The following LDB3 variants were observed in gnomAD, a reference collection of about 807,000 sequenced individuals.
LDB3 encodes the protein LIM domain-binding protein 3.
In LDB3, 49 loss-of-function variants were observed where a neutral mutation model predicts 69.0. That is an observed-to-expected ratio of 0.71 (90% CI 0.56 to 0.90). The LOEUF (loss-of-function observed/expected upper bound fraction) is 0.90, where lower values mean the gene tolerates loss of function less well. LDB3 is among the 40% of genes least tolerant of loss of function. The pLI, the probability that LDB3 is intolerant of heterozygous loss-of-function variation, is 0.00. For synonymous variants in LDB3, 387 were observed against 396.2 expected, an observed-to-expected ratio of 0.98 and a Z score of 0.28; for missense variants, 928 against 974.1, an observed-to-expected ratio of 0.95 and a Z score of 0.63.
chr10:86,682,567 A>G (rs1845221645), intron 5 of LDB3, among the ~76,000 whole-genome samples: 1 of 152,106 alleles, frequency 6.6e-6, no homozygotes, highest in Non-Finnish European at 1.5e-5. Context: ...TGAGCCCTTC[A>G]CGCTTGTTCT....
At chr10:86,690,552 C>T (rs1248483363) in intron 5 of LDB3, among the ~76,000 whole-genome samples, 5 of 152,236 alleles carry the variant, frequency 3.3e-5, no homozygotes, top group African/African-American at 1.2e-4. Flanking sequence ...ATCACCTTTC[C>T]CCACCTCTGC....
At chr10:86,688,774 A>G (rs114225713) in intron 5 of LDB3, among the ~76,000 whole-genome samples, 3,661 of 152,308 alleles carry the variant, frequency 0.024, 141 homozygotes, top group African/African-American at 0.079. Context: ...GGGAAGTTCA[A>G]TGGAGAATAA....
At chr10:86,689,580 C>T (rs1845664253) in intron 5 of LDB3, among the ~76,000 whole-genome samples, 1 of 152,102 alleles carries the variant, frequency 6.6e-6, no homozygotes, top group Non-Finnish European at 1.5e-5. Flanking sequence ...TGGGGTAGCT[C>T]CCCCCGCCTT....
chr10:86,674,619 G>A (rs1368458634), intron 2 of LDB3, among the ~76,000 whole-genome samples: 5 of 152,154 alleles, frequency 3.3e-5, no homozygotes, highest in Admixed American at 1.3e-4. Flanking sequence ...GCCCATTGGC[G>A]GGAGAAGACT....
At chr10:86,715,242 G>A (rs1846823113) in intron 9 of LDB3, among the ~76,000 whole-genome samples, 1 of 152,198 alleles carries the variant, frequency 6.6e-6, no homozygotes, top group Non-Finnish European at 1.5e-5. Context: ...GCTCAGGAAT[G>A]GGGAGGGAGG....
chr10:86,682,791 C>T (rs1489509521), intron 5 of LDB3, among the ~76,000 whole-genome samples: 1 of 152,190 alleles, frequency 6.6e-6, no homozygotes, highest in African/African-American at 2.4e-5. Flanking sequence ...CTGCATGACA[C>T]CTGGTATCAT....
intron 9 of LDB3, among the ~76,000 whole-genome samples, chr10:86,711,432 G>C (rs1846659753): frequency 6.6e-6 from 1 of 152,098 alleles, no homozygotes; most frequent in African/African-American, 2.4e-5. Context: ...GAAAGAGGCG[G>C]CCGGGCGGGC....
At chr10:86,682,213 G>A (rs991167315) in intron 5 of LDB3, among the ~76,000 whole-genome samples, 2 of 152,176 alleles carry the variant, frequency 1.3e-5, no homozygotes, top group Non-Finnish European at 2.9e-5. Flanking sequence ...CTGGGAGCTC[G>A]GAGGCAGGAG....
rs1042654631 is a variant in LDB3 at position 86,691,761 on chromosome 10, T to A, written c.690-135T>A. The A allele has an allele frequency of 8.0e-6, 8 of 999,290 alleles. No individual in the cohort carries two copies. The African/African-American group carries it at 1.3e-4, about 16-fold the overall frequency. 61.9% of individuals were successfully genotyped at this position (999,290 alleles called of 1,614,324 possible). On this transcript the variant is annotated intron_variant, in intron 5 of 13. Coordinates refer to ENST00000361373, the MANE Select transcript of LDB3 (RefSeq NM_007078.3). ...CCCAGGTCATGCCCATATCTCAGGT[T>A]CTCAGACAGCAATGGATAAAGGCAA...
rs1177426970 is a variant in LDB3, at chr10:86,734,024, G to A, written c.*1048G>A. 1.3e-5 allele frequency: 2 copies of A among 152,192 alleles called. No individual in the cohort carries two copies. The highest frequency in any genetic ancestry group is 2.4e-5 in the African/African-American group (1 of 41,424). 9.4% of individuals were successfully genotyped at this position (152,192 alleles called of 1,614,324 possible). A position where few individuals can be genotyped will look rare whatever the true frequency, so the allele number is the denominator to read the frequency against. On this transcript the variant is annotated 3_prime_UTR_variant, in exon 14 of 14. Coordinates refer to ENST00000361373, the MANE Select transcript of LDB3 (RefSeq NM_007078.3). ...AGGCTCACATGCCCAAACTCTGGGT[G>A]GGGAAGAGGAAACTTACTTTCTGCC...
intron 7 of LDB3, among the ~76,000 whole-genome samples, chr10:86,692,784 G>T (rs1202868784): frequency 3.3e-5 from 5 of 152,230 alleles, no homozygotes; most frequent in African/African-American, 1.2e-4. Flanking sequence ...TCCAGGCCCA[G>T]GCTACAAGAG....
intron 7 of LDB3, among the ~76,000 whole-genome samples, chr10:86,695,436 G>A (rs2132427250): frequency 6.6e-6 from 1 of 152,306 alleles, no homozygotes; most frequent in Admixed American, 6.5e-5. Context: ...CAACCTGCTG[G>A]CTAGCCCAAG....
chr10:86,706,826 A>G, intron 8 of LDB3, 107 bp downstream of exon 8: 1 of 1,239,240 alleles, frequency 8.1e-7, no homozygotes, highest in Non-Finnish European at 1.1e-6. Flanking sequence ...TAGGGCCCGC[A>G]GGCCTAGAGG....
chr10:86,686,647 T>A (rs1167688183), intron 5 of LDB3, among the ~76,000 whole-genome samples: 1 of 150,376 alleles, frequency 6.6e-6, no homozygotes, highest in Non-Finnish European at 1.5e-5. Context: ...TGAGACTCTG[T>A]CTTTACAGAA....
At chr10:86,711,379 C>A (rs1846657769) in intron 9 of LDB3, among the ~76,000 whole-genome samples, 1 of 152,030 alleles carries the variant, frequency 6.6e-6, no homozygotes, top group Non-Finnish European at 1.5e-5. Flanking sequence ...GCCCCCGCGC[C>A]GTTCCCAGGC....
At chr10:86,670,235 C>T (rs1043586417) in intron 2 of LDB3, among the ~76,000 whole-genome samples, 28 of 152,278 alleles carry the variant, frequency 1.8e-4, no homozygotes, top group Non-Finnish European at 2.5e-4. Context: ...CCCTCCAGAT[C>T]TACTGCCCTG....
At chr10:86,727,751 A>G (rs1847305779) in intron 13 of LDB3, among the ~76,000 whole-genome samples, 1 of 151,182 alleles carries the variant, frequency 6.6e-6, no homozygotes, top group Non-Finnish European at 1.5e-5. Flanking sequence ...CCCTGCCTCC[A>G]TTGTCACAAG....
At chr10:86,701,320 C>T (rs1404262328) in intron 7 of LDB3, among the ~76,000 whole-genome samples, 1 of 152,200 alleles carries the variant, frequency 6.6e-6, no homozygotes, top group East Asian at 1.9e-4. Flanking sequence ...GCTGGCAAAG[C>T]CTCAGCCAAC....
At chr10:86,683,437 G>T (rs1044386898) in intron 5 of LDB3, among the ~76,000 whole-genome samples, 1 of 152,232 alleles carries the variant, frequency 6.6e-6, no homozygotes, top group African/African-American at 2.4e-5. Context: ...TGGCATGCAG[G>T]TCTGCCTGAC....
Sources: gnomAD v4.1 joint callset for allele counts (sites outside exome capture counted in the v4.1 genomes callset) on GRCh38, gnomAD v4.1.1 for gene constraint, MANE v1.5 for transcripts, NCBI Gene and HGNC (gene_info 2026-07-23, HGNC 2026-07-21) for gene names.